Variants in IWS1 observed in about 807,000 individuals in gnomAD.
IWS1 encodes interacts with SUPT6H, CTD assembly factor 1.
In IWS1, 27 loss-of-function variants were observed where a neutral mutation model predicts 86.7. That is an observed-to-expected ratio of 0.31 (90% CI 0.23 to 0.43). IWS1 has a LOEUF of 0.43. Among genes scored for constraint, IWS1 ranks in the 20% least tolerant of loss-of-function variants. The pLI is 1.00. For missense variants in IWS1, 827 were observed against 1,000.8 expected, an observed-to-expected ratio of 0.83 and a Z score of 2.34; for synonymous variants, 313 against 335.1, an observed-to-expected ratio of 0.93 and a Z score of 0.72.
intron 6 of IWS1, among the ~76,000 whole-genome samples, chr2:127,497,506 T>C (rs1690576629): frequency 6.6e-6 from 1 of 152,248 alleles, no homozygotes; most frequent in African/African-American, 2.4e-5. Context: ...CAAACCTTTA[T>C]GGCTTTCATC....
At chr2:127,500,872 CCATTT>C (rs1474811060) in intron 5 of IWS1, among the ~76,000 whole-genome samples, 1 of 152,066 alleles carries the variant, frequency 6.6e-6, no homozygotes, top group East Asian at 1.9e-4. Context: ...ATTACACATT[CCATTT>C]TAGTCTTGTT....
chr2:127,490,446 G>A (rs560305563), intron 10 of IWS1, among the ~76,000 whole-genome samples: 7 of 152,254 alleles, frequency 4.6e-5, no homozygotes, highest in African/African-American at 1.7e-4. Flanking sequence ...GTCTAACATA[G>A]CTGCTACAAT....
At chr2:127,482,862 T>C (rs1316994612) in intron 13 of IWS1, 1 of 152,140 alleles carries the variant, frequency 6.6e-6, no homozygotes, top group Non-Finnish European at 1.5e-5. Flanking sequence ...TAAGAGTGTG[T>C]GCTACACTGC....
chr2:127,522,559 T>G (rs1692156386), intron 2 of IWS1, among the ~76,000 whole-genome samples: 1 of 152,232 alleles, frequency 6.6e-6, no homozygotes. Context: ...GCTCAATAAA[T>G]ACCTGTTGAA....
intron 2 of IWS1, among the ~76,000 whole-genome samples, chr2:127,512,733 C>A (rs1221159317): frequency 6.6e-6 from 1 of 152,158 alleles, no homozygotes; most frequent in Non-Finnish European, 1.5e-5. Context: ...TGGTATGTAT[C>A]CTTTCTACAA....
intron 5 of IWS1, 150 bp from the exon 6 acceptor site, chr2:127,498,387 T>C (rs1211850075): frequency 2.9e-6 from 2 of 678,004 alleles, no homozygotes; most frequent in Admixed American, 6.0e-5. Context: ...CTCCAGCCAC[T>C]AGTGTTACTA....
intron 4 of IWS1, 137 bp downstream of exon 4, chr2:127,503,250 A>G: frequency 1.6e-6 from 1 of 622,282 alleles, no homozygotes; most frequent in South Asian, 2.4e-5. Flanking sequence ...CCCACATTGT[A>G]GTGTGTTCAG....
chr2:127,513,631 A>C (rs1691595616), intron 2 of IWS1, among the ~76,000 whole-genome samples: 1 of 152,188 alleles, frequency 6.6e-6, no homozygotes, highest in Admixed American at 6.5e-5. Flanking sequence ...GTTCTTCTAA[A>C]TCTTGAATTT....
intron 10 of IWS1, 82 bp downstream of exon 10, chr2:127,491,889 T>TA: frequency 1.2e-6 from 1 of 842,528 alleles, no homozygotes; most frequent in Non-Finnish European, 2.0e-6. Context: ...CAAATACTGG[T>TA]AAAAATACAG....
chr2:127,524,535 T>C (rs546689662), intron 1 of IWS1, among the ~76,000 whole-genome samples: 1 of 151,894 alleles, frequency 6.6e-6, no homozygotes, highest in South Asian at 2.1e-4. Context: ...GTATTACATA[T>C]AATTACTTTT....
intron 5 of IWS1, 134 bp from the exon 6 acceptor site, chr2:127,498,371 G>A: frequency 2.6e-6 from 2 of 777,684 alleles, no homozygotes; most frequent in Non-Finnish European, 4.0e-6. Flanking sequence ...ATAACAAAAG[G>A]TCCCTCTCCA....
chr2:127,489,947 T>A lies in IWS1; in HGVS notation c.2048-4A>T. On this transcript the variant is annotated splice_polypyrimidine_tract_variant and splice_region_variant and intron_variant, in intron 10 of 13. Transcript: ENST00000295321. This position sits in a 1 kb window ranked among gnomAD's most constrained non-coding sequence, Gnocchi z 4.8. ...AATATAGGCCTAGACCACTCATCTG[T>A]AGTAAGAAAAAAATCAATTATTTTG... 6.8e-7 allele frequency: 1 copy of A among 1,472,554 alleles called. No individual in the cohort carries two copies. Among genetic ancestry groups the A allele is most frequent in the Non-Finnish European group, 9.5e-7 (1 of 1,056,348 alleles). 91.2% of individuals were successfully genotyped at this position (1,472,554 alleles called of 1,614,324 possible).
chr2:127,510,033 TGA>T (rs1691361441), intron 2 of IWS1, among the ~76,000 whole-genome samples: 2 of 152,224 alleles, frequency 1.3e-5, no homozygotes, highest in South Asian at 4.1e-4. Flanking sequence ...TCTTTACTGG[TGA>T]GAAGTGTCAA....
At chr2:127,498,524 C>T (rs1027084980) in intron 5 of IWS1, among the ~76,000 whole-genome samples, 2 of 152,134 alleles carry the variant, frequency 1.3e-5, no homozygotes, top group African/African-American at 2.4e-5. Context: ...TGCTCTGCAT[C>T]TTCCAAATTT....
intron 1 of IWS1, 67 bp from the exon 2 acceptor site, chr2:127,523,858 A>C: frequency 9.5e-7 from 1 of 1,049,554 alleles, no homozygotes; most frequent in Non-Finnish European, 1.4e-6. Context: ...TGAAATGAAC[A>C]CACTGAATCA....
chr2:127,492,381 A>G (rs982317892), intron 9 of IWS1, among the ~76,000 whole-genome samples: 2 of 152,004 alleles, frequency 1.3e-5, no homozygotes, highest in African/African-American at 2.4e-5. Flanking sequence ...ACCCATCTCT[A>G]CTAAAAATAC....
At position 127,513,451 on chromosome 2, in the gene IWS1, T is replaced by C. The variant is rs1051818049; in HGVS notation, c.151-7699A>G. Among the ~76,000 whole-genome samples the C allele has an allele frequency of 1.2e-4, 18 of 152,288 alleles. 1 individual carries two copies. The highest frequency in any genetic ancestry group is 1.2e-3 in the Admixed American group (18 of 15,304). On this transcript the variant is annotated intron_variant, in intron 2 of 13. Coordinates refer to ENST00000295321, the MANE Select transcript of IWS1 (RefSeq NM_017969.3). ...TAAACTGCAATACCTTTTCTTCAAATTTAAGAAACTATCTTTCCATGTATG... is the reference window on the plus strand; with the variant it reads ...TAAACTGCAATACCTTTTCTTCAAACTTAAGAAACTATCTTTCCATGTATG...
At chr2:127,500,021 TAACTTG>T (rs1690720317) in intron 5 of IWS1, among the ~76,000 whole-genome samples, 1 of 152,198 alleles carries the variant, frequency 6.6e-6, no homozygotes, top group South Asian at 2.1e-4. Context: ...TTCTAGAAGA[TAACTTG>T]TATCTTCACG....
In IWS1 at chr2:127,486,544, C is replaced by T. The variant is rs775857061; in HGVS notation, c.2328+9G>A. ...TGAGATCCACCTTGCCGATCCTCCG[C>T]TTGCTTACCCTGGATGACTCCATTT... On this transcript the variant is annotated intron_variant, in intron 13 of 13. Transcript: ENST00000295321. The T allele has an allele frequency of 1.9e-6, 3 of 1,601,160 alleles. No individual in the cohort carries two copies. Among genetic ancestry groups the T allele is most frequent in the South Asian group, 2.2e-5 (2 of 90,844 alleles).
Sources: allele counts gnomAD v4.1 joint callset (sites outside exome capture counted in the v4.1 genomes callset), GRCh38; gene constraint gnomAD v4.1.1; non-coding constraint Gnocchi (gnomAD v3.1); transcripts MANE v1.5; gene names NCBI Gene and HGNC (gene_info 2026-07-23, HGNC 2026-07-21).